The following F8 variants were observed in gnomAD, a reference collection of about 807,000 sequenced individuals.
F8 encodes the protein coagulation factor VIII.
In F8, 12 loss-of-function variants were observed where a neutral mutation model predicts 140.6. The observed-to-expected ratio is 0.09, with a 90% CI of 0.05 to 0.14. The LOEUF is 0.14. Among genes scored for constraint, F8 ranks in the 10% least tolerant of loss-of-function variants. The pLI is 1.00. For missense variants in F8, 1,354 were observed against 1,720.7 expected, an observed-to-expected ratio of 0.79 and a Z score of 3.77; for synonymous variants, 585 against 614.6, an observed-to-expected ratio of 0.95 and a Z score of 0.71.
At chrX:155,005,363 C>T (rs1392401803) in intron 1 of F8, among the ~76,000 whole-genome samples, 2 of 108,980 alleles carry the variant, frequency 1.8e-5, no homozygotes, top group South Asian at 4.0e-4. Flanking sequence ...TGGACAAGTA[C>T]AGTCATGGCT....
At chrX:154,920,381 C>T (rs1186287594) in intron 14 of F8, among the ~76,000 whole-genome samples, 3 of 111,024 alleles carry the variant, frequency 2.7e-5, no homozygotes, top group Non-Finnish European at 3.8e-5. Context: ...AATTAGCAGG[C>T]TATTTTAAAC....
At chrX:155,012,704 T>A (rs5945271) in intron 1 of F8, among the ~76,000 whole-genome samples, 1,227 of 108,756 alleles carry the variant, frequency 0.011, 18 homozygotes, top group African/African-American at 0.038. Flanking sequence ...AATTCACAAT[T>A]AAGACCCTTA....
Position 154,931,639 on chromosome X carries a change from C to T in F8, c.2151G>A (p.Arg717=). ...WILGCHNSDF[R]NRGMTALLKV... ...TCAGTAAGGCGGTCATGCCTCTGTT[C>T]CGAAAGTCTGAGTTGTGGCACCCCA... is the stretch of plus-strand genomic sequence containing the variant. Residue 717 remains arginine, a synonymous_variant, in exon 14 of 26, where the codon CGG becomes CGA. Coordinates refer to ENST00000360256, the MANE Select transcript of F8 (RefSeq NM_000132.4). 1 of 1,211,406 alleles carries T rather than the reference C, an allele frequency of 8.3e-7. No homozygotes were observed. The highest frequency in any genetic ancestry group is 2.2e-5 in the Admixed American group (1 of 45,993).
intron 10 of F8, among the ~76,000 whole-genome samples, chrX:154,960,772 C>T (rs937024542): frequency 9.0e-6 from 1 of 111,620 alleles, no homozygotes; most frequent in Non-Finnish European, 1.9e-5. Context: ...GAAGAACCAG[C>T]TTCAAGATTT....
intron 6 of F8, among the ~76,000 whole-genome samples, chrX:154,976,604 G>A (rs782594709): frequency 6.1e-5 from 6 of 99,091 alleles, no homozygotes; most frequent in African/African-American, 2.3e-4. Flanking sequence ...TTCCCAGAGT[G>A]TGATATTCCC....
intron 14 of F8, among the ~76,000 whole-genome samples, chrX:154,917,262 A>C (rs1557277185): frequency 8.9e-6 from 1 of 112,016 alleles, no homozygotes; most frequent in Non-Finnish European, 1.9e-5. Context: ...AGTTGGATAA[A>C]ATGTTCTGTA....
chrX:154,973,660 C>T (rs2073470311), intron 6 of F8, among the ~76,000 whole-genome samples: 1 of 112,242 alleles, frequency 8.9e-6, no homozygotes, highest in African/African-American at 3.2e-5. Flanking sequence ...GACATGCTAT[C>T]AATTATTGTA....
At chrX:154,845,329 A>C (rs782030198) in intron 25 of F8, among the ~76,000 whole-genome samples, 8 of 111,629 alleles carry the variant, frequency 7.2e-5, no homozygotes, top group African/African-American at 9.8e-5. Context: ...GGAGGATTCC[A>C]TCTTTTTCTA....
At chrX:155,005,040 C>T (rs2073668847) in intron 1 of F8, among the ~76,000 whole-genome samples, 1 of 111,974 alleles carries the variant, frequency 8.9e-6, no homozygotes, top group African/African-American at 3.2e-5. Context: ...ATTAGGGAAA[C>T]TATGCCTCTT....
intron 22 of F8, among the ~76,000 whole-genome samples, chrX:154,874,125 G>A (rs1569559386): frequency 8.9e-6 from 1 of 112,451 alleles, no homozygotes; most frequent in Non-Finnish European, 1.9e-5. Flanking sequence ...CAACTCATTA[G>A]TAAGAAACAA....
At chrX:154,982,263 C>G (rs1368428367) in intron 6 of F8, among the ~76,000 whole-genome samples, 2 of 106,165 alleles carry the variant, frequency 1.9e-5, no homozygotes, top group Non-Finnish European at 3.9e-5. Context: ...CTGGCTAACA[C>G]AATGAAACCC....
chrX:154,906,926 C>T (rs1469537058), intron 14 of F8, among the ~76,000 whole-genome samples: 1 of 111,947 alleles, frequency 8.9e-6, no homozygotes, highest in Non-Finnish European at 1.9e-5. Context: ...CTTTTTAAAG[C>T]CCTATTAAAA....
At chrX:154,870,578 A>G (rs1557273523) in intron 22 of F8, among the ~76,000 whole-genome samples, 1 of 111,979 alleles carries the variant, frequency 8.9e-6, no homozygotes, top group Non-Finnish European at 1.9e-5. Flanking sequence ...TGACAAACGC[A>G]CAGCCAATAT....
chrX:155,012,341 G>A (rs1211378676), intron 1 of F8, among the ~76,000 whole-genome samples: 1 of 111,870 alleles, frequency 8.9e-6, no homozygotes, highest in African/African-American at 3.3e-5. Flanking sequence ...ACAGAGCCTT[G>A]CTTTGTTGCT....
At chrX:154,931,700 T>C in intron 13 of F8, 24 bp from the exon 14 acceptor site, 1 of 1,161,790 alleles carries the variant, frequency 8.6e-7, no homozygotes, top group Non-Finnish European at 1.2e-6. Flanking sequence ...AGAATAAGAC[T>C]CTGGTTACTC....
chrX:155,012,596 C>T (rs5945129), intron 1 of F8, among the ~76,000 whole-genome samples: 1 of 110,918 alleles, frequency 9.0e-6, no homozygotes, highest in African/African-American at 3.3e-5. Flanking sequence ...GTGTGAGCCA[C>T]CATGCCCAGT....
At chrX:154,971,999 G>A (rs1327702594) in intron 6 of F8, among the ~76,000 whole-genome samples, 1 of 112,273 alleles carries the variant, frequency 8.9e-6, no homozygotes, top group Non-Finnish European at 1.9e-5. Context: ...GGATGCAGAT[G>A]TTTCTTCAAC....
chrX:154,954,006 C>T lies in F8; in HGVS notation c.1789G>A (p.Val597Ile). 8.3e-7 allele frequency: 1 copy of T among 1,211,265 alleles called. No individual in the cohort carries two copies. Among genetic ancestry groups the T allele is most frequent in the Non-Finnish European group, 1.1e-6 (1 of 895,030 alleles). Residue 597 changes from valine (V) to isoleucine (I), a missense_variant, in exon 12 of 26, where the codon GTA (valine) becomes ATA (isoleucine). Transcript: ENST00000360256. ...SDKRNVILFSVFDENRSWYLT... is the reference protein window; with the variant it reads ...SDKRNVILFSIFDENRSWYLT... ...TACCAGCTTCGGTTCTCATCAAATA[C>T]AGAAAACAGGATGACATTCCTCTTG...
At chrX:154,979,230 C>A (rs1021716605) in intron 6 of F8, among the ~76,000 whole-genome samples, 1 of 111,581 alleles carries the variant, frequency 9.0e-6, no homozygotes, top group Non-Finnish European at 1.9e-5. Flanking sequence ...TGCTATGGAT[C>A]GCATGGCCAG....
Sources: gnomAD v4.1 joint callset for allele counts (sites outside exome capture counted in the v4.1 genomes callset) on GRCh38, gnomAD v4.1.1 for gene constraint, MANE v1.5 for transcripts, NCBI Gene and HGNC (gene_info 2026-07-23, HGNC 2026-07-21) for gene names.